PPP3CA: variants seen among roughly 807,000 people sequenced by gnomAD.
PPP3CA encodes the protein CAM-PRP catalytic subunit.
PPP3CA carries 14 observed loss-of-function variants against 66.5 expected under a neutral mutation model. That is an observed-to-expected ratio of 0.21 (90% CI 0.14 to 0.33). The LOEUF is 0.33. Ranked by LOEUF, PPP3CA falls within the 10% of genes least tolerant of loss-of-function variation. PPP3CA has a pLI of 1.00. For synonymous variants in PPP3CA, 232 were observed against 226.2 expected (o/e 1.03, Z -0.23); for missense variants, 317 against 639.5 (o/e 0.50, Z 5.44).
At chr4:101,147,673 T>G (rs1374852616) in intron 2 of PPP3CA, among the ~76,000 whole-genome samples, 1 of 152,084 alleles carries the variant, frequency 6.6e-6, no homozygotes, top group Non-Finnish European at 1.5e-5. Context: ...GCTAATTTTT[T>G]CCTTGTTCAT....
intron 2 of PPP3CA, among the ~76,000 whole-genome samples, chr4:101,138,297 C>T (rs1464913796): frequency 1.3e-5 from 2 of 152,074 alleles, no homozygotes; most frequent in Admixed American, 6.6e-5. Flanking sequence ...TCCTTAAGTG[C>T]ATAATTTTTG....
At chr4:101,036,149 G>A (rs1399969130) in intron 11 of PPP3CA, among the ~76,000 whole-genome samples, 1 of 152,160 alleles carries the variant, frequency 6.6e-6, no homozygotes, top group Non-Finnish European at 1.5e-5. Flanking sequence ...ATGTCAAAGT[G>A]ATAAAATTTT....
intron 8 of PPP3CA, among the ~76,000 whole-genome samples, chr4:101,072,829 C>T (rs988405516): frequency 7.3e-5 from 11 of 150,088 alleles, no homozygotes; most frequent in African/African-American, 1.2e-4. Flanking sequence ...CCAGCTACTC[C>T]GGAGGCTGAG....
chr4:101,219,456 C>T (rs1040333485), intron 1 of PPP3CA, among the ~76,000 whole-genome samples: 10 of 151,878 alleles, frequency 6.6e-5, no homozygotes, highest in Non-Finnish European at 1.5e-4. Flanking sequence ...GAATTAATCT[C>T]TTTAAAAATA....
At position 101,291,791 on chromosome 4, in the gene PPP3CA, T is replaced by C. The variant is rs533408484; in HGVS notation, c.58+54948A>G. On this transcript the variant is annotated intron_variant, in intron 1 of 13. Transcript: ENST00000394854. ...AAATGTCTTTGGAATGGCCCACAAC[T>C]TCCCTTACCTCCACTAGGCTTGACA... Among the ~76,000 whole-genome samples, 124 of 152,172 alleles carry C rather than the reference T, an allele frequency of 8.1e-4. 1 individual carries two copies. The highest frequency in any genetic ancestry group is 8.8e-5 in the Non-Finnish European group (6 of 68,010).
Position 101,143,563 on chromosome 4 carries a change from T to C in PPP3CA, c.260-34485A>G, listed in dbSNP as rs552410633. Among the ~76,000 whole-genome samples, 7 of 152,310 alleles carry C rather than the reference T, an allele frequency of 4.6e-5. No homozygotes were observed. The East Asian group carries it at 1.2e-3, about 25-fold the overall frequency. On this transcript the variant is annotated intron_variant, in intron 2 of 13. Coordinates refer to ENST00000394854, the MANE Select transcript of PPP3CA (RefSeq NM_000944.5). ...ATTCTATTCCATTTCTATGGACATA[T>C]TGCACCAGTTACTTCCTAACTGTCA... is the stretch of plus-strand genomic sequence containing the variant.
chr4:101,074,897 A>G (rs1729115055), intron 8 of PPP3CA, among the ~76,000 whole-genome samples: 1 of 152,208 alleles, frequency 6.6e-6, no homozygotes, highest in Non-Finnish European at 1.5e-5. Context: ...CATACCTGAG[A>G]CTGGGTAATT....
At chr4:101,137,884 C>A (rs79991191) in intron 2 of PPP3CA, among the ~76,000 whole-genome samples, 1,010 of 120,274 alleles carry the variant, frequency 8.4e-3, no homozygotes, top group African/African-American at 9.7e-3. Flanking sequence ...TGTCAGTCCA[C>A]AAAAAAAAAA....
chr4:101,034,578 A>G (rs941528124), intron 11 of PPP3CA, among the ~76,000 whole-genome samples: 2 of 141,580 alleles, frequency 1.4e-5, no homozygotes, highest in African/African-American at 2.7e-5. Flanking sequence ...CACAGCACCC[A>G]GACTAGAACA....
intron 10 of PPP3CA, among the ~76,000 whole-genome samples, chr4:101,053,153 A>T (rs1392383445): frequency 6.6e-6 from 1 of 152,156 alleles, no homozygotes; most frequent in Non-Finnish European, 1.5e-5. Context: ...AAGTAAAAAC[A>T]ATGTGATATT....
chr4:101,028,676 A>AT (rs973765611), intron 13 of PPP3CA, among the ~76,000 whole-genome samples: 6 of 152,324 alleles, frequency 3.9e-5, no homozygotes, highest in African/African-American at 1.4e-4. Context: ...ATGTTGGAAT[A>AT]TTTTTTAGAG....
chr4:101,215,821 T>C (rs918592551), intron 1 of PPP3CA, among the ~76,000 whole-genome samples: 2 of 152,144 alleles, frequency 1.3e-5, no homozygotes, highest in African/African-American at 4.8e-5. Flanking sequence ...TACTAATCTA[T>C]TTTCAATGTG....
At chr4:101,317,054 T>G (rs1256837058) in intron 1 of PPP3CA, among the ~76,000 whole-genome samples, 1 of 152,072 alleles carries the variant, frequency 6.6e-6, no homozygotes, top group African/African-American at 2.4e-5. Context: ...CCATTCCCTA[T>G]GGCATTTACC....
chr4:101,033,275 GACACACACACACACACAAACACACAC>G (rs1315287992), intron 11 of PPP3CA, among the ~76,000 whole-genome samples: 6 of 126,834 alleles, frequency 4.7e-5, no homozygotes, highest in South Asian at 2.6e-4. Flanking sequence ...CATACATAGA[GACACACACACACACACAAACACACAC>G]ACACACACAC....
intron 1 of PPP3CA, among the ~76,000 whole-genome samples, chr4:101,279,640 T>A (rs1179776943): frequency 1.3e-5 from 2 of 152,192 alleles, no homozygotes; most frequent in African/African-American, 4.8e-5. Flanking sequence ...CAGCTTCAAC[T>A]GAGCAGCCTG....
At chr4:101,029,134 A>G (rs936952119) in intron 13 of PPP3CA, 32 bp downstream of exon 13, 1 of 1,556,100 alleles carries the variant, frequency 6.4e-7, no homozygotes, top group Non-Finnish European at 8.9e-7. Flanking sequence ...TATCTGTTGC[A>G]GGTACAACAG....
chr4:101,213,456 A>T (rs539174142), intron 1 of PPP3CA, among the ~76,000 whole-genome samples: 13 of 152,232 alleles, frequency 8.5e-5, no homozygotes, highest in African/African-American at 3.1e-4. Context: ...AATTCCCAAT[A>T]TTTAATTTCA....
chr4:101,220,061 T>A (rs16996716), intron 1 of PPP3CA, among the ~76,000 whole-genome samples: 15,676 of 151,822 alleles, frequency 0.1, 2,619 homozygotes, highest in African/African-American at 0.35. Context: ...AGAACTTTGC[T>A]TCAATTAAGT....
intron 1 of PPP3CA, among the ~76,000 whole-genome samples, chr4:101,298,953 A>AT (rs1425250230): frequency 2.0e-5 from 3 of 151,018 alleles, no homozygotes; most frequent in African/African-American, 7.3e-5. Context: ...CAATTTTGTC[A>AT]TTGTGCGAAC....
Sources: allele counts gnomAD v4.1 joint callset (sites outside exome capture counted in the v4.1 genomes callset), GRCh38; gene constraint gnomAD v4.1.1; transcripts MANE v1.5; gene names NCBI Gene and HGNC (gene_info 2026-07-23, HGNC 2026-07-21).